Variants in ANKRD55 observed in about 807,000 individuals in gnomAD.
ANKRD55 encodes the protein ankyrin repeat domain 55.
Under a neutral mutation model 60.6 loss-of-function variants are expected in ANKRD55, and 41 were observed. The ratio of observed to expected loss-of-function variants is 0.68; its 90% CI spans 0.53 to 0.88. ANKRD55 has a LOEUF of 0.88. Ranked by LOEUF, ANKRD55 falls within the 40% of genes least tolerant of loss-of-function variation. ANKRD55 has a pLI of 0.00. For missense variants in ANKRD55, 732 were observed against 767.6 expected (o/e 0.95, Z 0.55); for synonymous variants, 264 against 290.3 (o/e 0.91, Z 0.92).
chr5:56,102,453 AAC>A, intron 11 of ANKRD55, 39 bp downstream of exon 11: 1 of 1,388,010 alleles, frequency 7.2e-7, no homozygotes, highest in African/African-American at 1.4e-5. Flanking sequence ...TAGATATGTT[AAC>A]ACTTGCAAAG....
intron 8 of ANKRD55, among the ~76,000 whole-genome samples, chr5:56,119,168 T>C (rs1756968589): frequency 6.6e-6 from 1 of 152,244 alleles, no homozygotes; most frequent in Non-Finnish European, 1.5e-5. Context: ...AACAACTCAA[T>C]GTCCTTCAGT....
At chr5:56,160,020 T>G in intron 5 of ANKRD55, 127 bp from the exon 6 acceptor site, 233 of 641,282 alleles carry the variant, frequency 3.6e-4, no homozygotes, top group East Asian at 6.4e-4. Context: ...TGAGGGCCCT[T>G]TCCGTTTCTC....
intron 3 of ANKRD55, among the ~76,000 whole-genome samples, chr5:56,177,971 T>A (rs902665233): frequency 1.3e-5 from 2 of 152,172 alleles, no homozygotes; most frequent in African/African-American, 4.8e-5. Flanking sequence ...CCTTCATTTT[T>A]CTCTAGTAAT....
chr5:56,147,775 A>G (rs1757934807), intron 6 of ANKRD55, among the ~76,000 whole-genome samples: 1 of 151,992 alleles, frequency 6.6e-6, no homozygotes. Context: ...AAATCCTCTT[A>G]GAGTTAATAA....
chr5:56,116,801 A>T lies in ANKRD55; in HGVS notation c.798-19T>A. ...AGGTGTCCTGGAGGGGCCATGTGAA[A>T]AAAGCACAAGCGTCTGAGCATGTGA... On this transcript the variant is annotated intron_variant, in intron 8 of 11. Transcript: ENST00000341048. 4.4e-6 allele frequency: 7 copies of T among 1,583,710 alleles called. No homozygotes were observed. The highest frequency in any genetic ancestry group is 6.0e-6 in the Non-Finnish European group (7 of 1,166,406).
intron 2 of ANKRD55, among the ~76,000 whole-genome samples, chr5:56,226,682 T>C (rs970496155): frequency 2.6e-5 from 4 of 152,144 alleles, no homozygotes; most frequent in African/African-American, 9.7e-5. Flanking sequence ...GTGAAGGGTG[T>C]GAACAGACAC....
chr5:56,207,691 G>A (rs1759547733), intron 2 of ANKRD55, among the ~76,000 whole-genome samples: 1 of 152,192 alleles, frequency 6.6e-6, no homozygotes, highest in South Asian at 2.1e-4. Flanking sequence ...ACGATAAAAT[G>A]TGCTACACTA....
chr5:56,200,430 CT>C, intron 2 of ANKRD55, among the ~76,000 whole-genome samples: 1 of 152,054 alleles, frequency 6.6e-6, no homozygotes, highest in East Asian at 1.9e-4. Context: ...GTCAAAAAAC[CT>C]AACTGATTTC....
At chr5:56,111,858 C>T (rs1756719080) in intron 9 of ANKRD55, 76 bp from the exon 10 acceptor site, 3 of 1,326,234 alleles carry the variant, frequency 2.3e-6, no homozygotes, top group Admixed American at 2.7e-5. Context: ...ATACCGACCC[C>T]CTATTCCACA....
intron 7 of ANKRD55, among the ~76,000 whole-genome samples, chr5:56,131,180 C>CA (rs1184735503): frequency 6.6e-6 from 1 of 151,206 alleles, no homozygotes; most frequent in African/African-American, 2.4e-5. Context: ...ACAAAACAAA[C>CA]AAAAAACCCT....
intron 2 of ANKRD55, among the ~76,000 whole-genome samples, chr5:56,231,155 C>T (rs1412182534): frequency 1.3e-5 from 2 of 152,198 alleles, no homozygotes; most frequent in African/African-American, 2.4e-5. Context: ...ATGCTCTTTC[C>T]ATCATATGAT....
intron 5 of ANKRD55, among the ~76,000 whole-genome samples, chr5:56,167,145 T>C (rs1758502072): frequency 6.6e-6 from 1 of 152,234 alleles, no homozygotes; most frequent in African/African-American, 2.4e-5. Flanking sequence ...CATCATTTAA[T>C]GATGGGAATA....
rs757836280 is a variant in ANKRD55 at position 56,183,586 on chromosome 5, G to T, written c.107C>A (p.Ser36Tyr). Residue 36 changes from serine to tyrosine, a missense_variant, in exon 3 of 12, where the codon TCT (serine) becomes TAT (tyrosine). Ser to Tyr is a moderately radical substitution (Grantham distance 144). Around this residue, in one of 3 missense-constraint regions of ANKRD55, gnomAD observed 131 missense variants for 142.7 expected, o/e 0.92. Coordinates refer to ENST00000341048, the MANE Select transcript of ANKRD55 (RefSeq NM_024669.3). ...AGTCAGAGCATTGACATCTCCATTA[G>T]AGGCTGCTTGATAAACCATGGTCAG... is the stretch of plus-strand genomic sequence containing the variant. ...VDLTMVYQAASNGDVNALTAV... is the reference protein window; with the variant it reads ...VDLTMVYQAAYNGDVNALTAV... 1 of 1,614,184 alleles carries T rather than the reference G, an allele frequency of 6.2e-7. No individual in the cohort carries two copies. The highest frequency in any genetic ancestry group is 8.5e-7 in the Non-Finnish European group (1 of 1,180,026).
chr5:56,116,657 C>T lies in ANKRD55; in HGVS notation c.923G>A (p.Cys308Tyr). Residue 308 changes from cysteine (C) to tyrosine (Y), a missense_variant, in exon 9 of 12, where the codon TGC becomes TAC. By Grantham distance (194) the Cys-to-Tyr change is radical. This residue lies in a region of ANKRD55 where 597 missense variants were observed against 607.5 expected (regional missense o/e 0.98). Transcript: ENST00000341048. The stretch of plus-strand genomic sequence containing the variant: ...GAGTTTGACACACGCCGTGTGACCG[C>T]AGTACAGGGCATAGGCCAAGGGCGT... ...ESTPLAYALY[C>Y]GHTACVKLLS... The T allele has an allele frequency of 6.2e-7, 1 of 1,609,022 alleles. No individual in the cohort carries two copies. Among genetic ancestry groups the T allele is most frequent in the Non-Finnish European group, 8.5e-7 (1 of 1,177,918 alleles).
Position 56,116,778 on chromosome 5 carries a change from G to A in ANKRD55, c.802C>T (p.Pro268Ser). Residue 268 changes from proline to serine, a missense_variant, in exon 9 of 12, where the codon CCT (proline) becomes TCT (serine). Pro to Ser is a moderately conservative substitution (Grantham distance 74). Coordinates refer to ENST00000341048, the MANE Select transcript of ANKRD55 (RefSeq NM_024669.3). ...CCTGCAGCTGCAGCCCAGTGCAGAG[G>A]TGTCCTGGAGGGGCCATGTGAAAAA... ...LQALDVDDRT[P>S]LHWAAAAGKA... 1 of 1,603,870 alleles carries A rather than the reference G, an allele frequency of 6.2e-7. No individual in the cohort carries two copies. Among genetic ancestry groups the A allele is most frequent in the Admixed American group, 1.7e-5 (1 of 57,594 alleles).
chr5:56,148,715 G>T (rs1457884964), intron 6 of ANKRD55, among the ~76,000 whole-genome samples: 2 of 151,672 alleles, frequency 1.3e-5, no homozygotes, highest in African/African-American at 4.8e-5. Context: ...TTAGTGCTTA[G>T]CAGGTTTCAT....
At chr5:56,124,190 C>G (rs1757165036) in intron 8 of ANKRD55, among the ~76,000 whole-genome samples, 1 of 152,150 alleles carries the variant, frequency 6.6e-6, no homozygotes, top group South Asian at 2.1e-4. Context: ...ACCTCATAGA[C>G]TGATGAAATT....
chr5:56,160,742 A>C (rs977565154), intron 5 of ANKRD55: 3 of 152,222 alleles, frequency 2.0e-5, no homozygotes, highest in Non-Finnish European at 2.9e-5. Flanking sequence ...GATGACAGTA[A>C]TCAGTGTAAA....
rs1244597285 is a variant in ANKRD55, at chr5:56,125,937, C to A, written c.797+985G>T. ...TCACCTGAGGCCAGGAGTTCAAGAC[C>A]AGCCTGGCCAACATGGTGAAACCCT... On this transcript the variant is annotated intron_variant, in intron 8 of 11. Coordinates refer to ENST00000341048, the MANE Select transcript of ANKRD55 (RefSeq NM_024669.3). 4.6e-5 allele frequency among the ~76,000 whole-genome samples: 7 copies of A among 152,106 alleles called. No homozygotes were observed. The East Asian group carries it at 1.4e-3, about 30-fold the overall frequency.
Sources: gnomAD v4.1 joint callset for allele counts (sites outside exome capture counted in the v4.1 genomes callset) on GRCh38, gnomAD v4.1.1 for gene constraint, gnomAD v4.1.1 regional missense constraint, MANE v1.5 for transcripts, NCBI Gene and HGNC (gene_info 2026-07-23, HGNC 2026-07-21) for gene names.